NRG3: variants seen among roughly 807,000 people sequenced by gnomAD.
NRG3 encodes neuregulin 3.
A neutral mutation model predicts 66.9 loss-of-function variants in NRG3; 31 were observed. The observed-to-expected ratio is 0.46, with a 90% CI of 0.35 to 0.63. The LOEUF (loss-of-function observed/expected upper bound fraction) is 0.63. Among genes scored for constraint, NRG3 ranks in the 20% least tolerant of loss-of-function variants. The pLI is 0.00. For missense variants in NRG3, 910 were observed against 878.9 expected, an observed-to-expected ratio of 1.04 and a Z score of -0.45; for synonymous variants, 393 against 359.4, an observed-to-expected ratio of 1.09 and a Z score of -1.06.
At chr10:82,137,223 G>A (rs946888752) in intron 1 of NRG3, among the ~76,000 whole-genome samples, 1 of 152,134 alleles carries the variant, frequency 6.6e-6, no homozygotes, top group African/African-American at 2.4e-5. Flanking sequence ...TAGAAGAAAG[G>A]AAATAGCAGA....
intron 4 of NRG3, among the ~76,000 whole-genome samples, chr10:82,946,733 A>C (rs2132315591): frequency 6.6e-6 from 1 of 152,336 alleles, no homozygotes; most frequent in African/African-American, 2.4e-5. Context: ...CAGTAAAAAT[A>C]GAATATACAC....
chr10:82,367,434 G>A (rs1306721891), intron 2 of NRG3, among the ~76,000 whole-genome samples: 4 of 151,924 alleles, frequency 2.6e-5, no homozygotes, highest in South Asian at 2.1e-4. Context: ...AATTTATATA[G>A]CACTTAGAAC....
intron 1 of NRG3, among the ~76,000 whole-genome samples, chr10:82,269,192 ACTT>A (rs2078464238): frequency 1.3e-5 from 2 of 152,110 alleles, no homozygotes; most frequent in South Asian, 4.2e-4. Context: ...CTAGAAGTTC[ACTT>A]CTTTCTTTAT....
intron 1 of NRG3, among the ~76,000 whole-genome samples, chr10:81,918,439 G>C (rs926419315): frequency 6.6e-6 from 1 of 152,160 alleles, no homozygotes; most frequent in Admixed American, 6.5e-5. Flanking sequence ...GGATTTCTCA[G>C]ATCAGGTACT....
chr10:82,789,764 C>G (rs1736697978), intron 3 of NRG3, among the ~76,000 whole-genome samples: 1 of 151,854 alleles, frequency 6.6e-6, no homozygotes, highest in African/African-American at 2.4e-5. Flanking sequence ...ACTCCCTATT[C>G]TTCTATCACA....
chr10:81,900,133 G>A (rs1457574245), intron 1 of NRG3, among the ~76,000 whole-genome samples: 3 of 152,122 alleles, frequency 2.0e-5, no homozygotes, highest in Admixed American at 6.6e-5. Context: ...ATTTTTAGTA[G>A]AGATGGGGTT....
intron 3 of NRG3, among the ~76,000 whole-genome samples, chr10:82,760,857 G>GCATACATAA (rs1308671984): frequency 1.3e-5 from 2 of 151,398 alleles, no homozygotes; most frequent in African/African-American, 4.8e-5. Context: ...CATGGCAATG[G>GCATACATAA]CATACATAAT....
chr10:82,775,656 C>G (rs2059886067), intron 3 of NRG3, among the ~76,000 whole-genome samples: 1 of 152,018 alleles, frequency 6.6e-6, no homozygotes, highest in African/African-American at 2.4e-5. Context: ...TCTATATTTT[C>G]TCATTGATTT....
intron 3 of NRG3, among the ~76,000 whole-genome samples, chr10:82,839,575 A>T (rs1195868816): frequency 6.6e-6 from 1 of 151,674 alleles, no homozygotes; most frequent in East Asian, 1.9e-4. Context: ...GTATAAAAAT[A>T]TAGATATTAT....
At chr10:82,883,599 C>G (rs995334314) in intron 4 of NRG3, among the ~76,000 whole-genome samples, 1 of 152,234 alleles carries the variant, frequency 6.6e-6, no homozygotes, top group African/African-American at 2.4e-5. Context: ...GTTCTCTAAT[C>G]TGCTCCTTCA....
At chr10:82,642,361 T>C (rs1470638942) in intron 2 of NRG3, among the ~76,000 whole-genome samples, 1 of 151,964 alleles carries the variant, frequency 6.6e-6, no homozygotes, top group Non-Finnish European at 1.5e-5. Context: ...AATTAATTAA[T>C]AGACCAAGAC....
chr10:82,090,162 G>A (rs930946232), intron 1 of NRG3, among the ~76,000 whole-genome samples: 1 of 152,178 alleles, frequency 6.6e-6, no homozygotes, highest in Admixed American at 6.5e-5. Context: ...TGCTATTAAT[G>A]TACAGTTCTC....
In NRG3 at chr10:82,351,037, G is replaced by A. The variant is rs548821437; in HGVS notation, c.824-7702G>A. The stretch of plus-strand genomic sequence containing the variant: ...CTCCCAAGTAGCTGGGACTACAGGC[G>A]CCCGCCACCATGCCTGGCTAATTTT... On this transcript the variant is annotated intron_variant, in intron 1 of 8. Transcript: ENST00000372141. 4.5e-4 allele frequency among the ~76,000 whole-genome samples: 68 copies of A among 152,072 alleles called. No homozygotes were observed. In the East Asian group the frequency reaches 8.4e-3, roughly 19 times the overall value.
intron 2 of NRG3, among the ~76,000 whole-genome samples, chr10:82,551,698 A>G (rs1056502097): frequency 6.6e-6 from 1 of 152,020 alleles, no homozygotes; most frequent in African/African-American, 2.4e-5. Context: ...CAACCACCAT[A>G]GCGGTCAATG....
At chr10:82,480,549 A>C (rs1026854812) in intron 2 of NRG3, among the ~76,000 whole-genome samples, 2 of 152,126 alleles carry the variant, frequency 1.3e-5, no homozygotes, top group African/African-American at 4.8e-5. Context: ...TTTTGGTAAT[A>C]ACTCCCCAAA....
chr10:82,293,167 G>A (rs1447021694), intron 1 of NRG3, among the ~76,000 whole-genome samples: 1 of 152,070 alleles, frequency 6.6e-6, no homozygotes, highest in Non-Finnish European at 1.5e-5. Flanking sequence ...GTACAAGATG[G>A]GCTCCTCAGC....
chr10:82,562,311 G>A (rs1241376732), intron 2 of NRG3, among the ~76,000 whole-genome samples: 1 of 152,106 alleles, frequency 6.6e-6, no homozygotes, highest in Non-Finnish European at 1.5e-5. Context: ...CCACAGTCTT[G>A]ATTGGAAAAG....
In NRG3 at chr10:82,426,631, ATT is replaced by A. The variant is rs1402238079; in HGVS notation, c.953+67764_953+67765del. Among the ~76,000 whole-genome samples the A allele has an allele frequency of 2.8e-3, 404 of 142,524 alleles. 2 individuals are homozygous for A. The highest frequency in any genetic ancestry group is 1.0e-2 in the African/African-American group (393 of 39,392). The allele number at this position is 142,524 out of a possible 152,430, so 93.5% of individuals were successfully genotyped here. On this transcript the variant is annotated intron_variant, in intron 2 of 8. Transcript: ENST00000372141. ...TATTATTATTATTATTATTATTATT[ATT>A]ATTATTATTATTATTTTGAGACAGG... is the stretch of plus-strand genomic sequence containing the variant.
At chr10:82,350,232 G>A (rs10466182) in intron 1 of NRG3, among the ~76,000 whole-genome samples, 16,936 of 152,188 alleles carry the variant, frequency 0.11, 1,646 homozygotes, top group East Asian at 0.26. Flanking sequence ...GAGCAAAAAG[G>A]TGCTGTTACC....
Sources: allele counts gnomAD v4.1 joint callset (sites outside exome capture counted in the v4.1 genomes callset), GRCh38; gene constraint gnomAD v4.1.1; transcripts MANE v1.5; gene names NCBI Gene and HGNC (gene_info 2026-07-23, HGNC 2026-07-21).